The following NBEA variants were observed in gnomAD, a reference collection of about 807,000 sequenced individuals.
The protein encoded by NBEA is neurobeachin, also known as lysosomal-trafficking regulator 2.
In NBEA, 44 loss-of-function variants were observed where a neutral mutation model predicts 343.4. That is an observed-to-expected ratio of 0.13 (90% confidence interval 0.10 to 0.16). The LOEUF is 0.16. NBEA is among the 10% of genes least tolerant of loss of function. The pLI is 1.00. For missense variants in NBEA, 2,555 were observed against 3,631.3 expected, an observed-to-expected ratio of 0.70 and a Z score of 7.62; for synonymous variants, 1,175 against 1,238.7, an observed-to-expected ratio of 0.95 and a Z score of 1.08.
intron 10 of NBEA, among the ~76,000 whole-genome samples, chr13:35,093,874 A>C (rs1429418708): frequency 1.3e-5 from 2 of 151,866 alleles, no homozygotes; most frequent in South Asian, 2.1e-4. Context: ...TTTGAAAGTT[A>C]TTTCTTTTAC....
intron 36 of NBEA, among the ~76,000 whole-genome samples, chr13:35,311,249 G>T (rs1031003488): frequency 1.3e-5 from 2 of 151,790 alleles, no homozygotes; most frequent in Non-Finnish European, 2.9e-5. Flanking sequence ...GCTAATCATT[G>T]TCATTTAAGT....
chr13:35,570,143 C>A (rs1237800939), intron 45 of NBEA, among the ~76,000 whole-genome samples: 3 of 152,204 alleles, frequency 2.0e-5, no homozygotes, highest in Non-Finnish European at 4.4e-5. Context: ...AAGCGATTCT[C>A]CTGCCTCAGC....
At chr13:35,278,592 A>G (rs1328553819) in intron 34 of NBEA, among the ~76,000 whole-genome samples, 2 of 152,364 alleles carry the variant, frequency 1.3e-5, no homozygotes, top group East Asian at 3.9e-4. Flanking sequence ...TTTCAAGTAC[A>G]TAATTAAATA....
At chr13:35,323,734 A>T (rs1017995213) in intron 36 of NBEA, among the ~76,000 whole-genome samples, 2 of 151,986 alleles carry the variant, frequency 1.3e-5, no homozygotes, top group East Asian at 1.9e-4. Flanking sequence ...ATAAATAAAT[A>T]AAATAAAATA....
chr13:35,013,036 A>G (rs1040823004), intron 1 of NBEA, among the ~76,000 whole-genome samples: 3 of 152,234 alleles, frequency 2.0e-5, no homozygotes, highest in Admixed American at 6.5e-5. Flanking sequence ...TTAATAGACT[A>G]TAAGGGGTAG....
At chr13:35,404,227 A>G (rs1430299340) in intron 38 of NBEA, among the ~76,000 whole-genome samples, 1 of 152,108 alleles carries the variant, frequency 6.6e-6, no homozygotes, top group Admixed American at 6.5e-5. Flanking sequence ...TAGAAATACC[A>G]TTTGACCCAG....
intron 47 of NBEA, among the ~76,000 whole-genome samples, chr13:35,604,587 G>C (rs191357934): frequency 1.3e-5 from 2 of 152,028 alleles, no homozygotes; most frequent in African/African-American, 2.4e-5. Context: ...CCAGTGTCTT[G>C]CTATAAAACA....
chr13:35,495,585 C>CA (rs1416618754), intron 41 of NBEA, among the ~76,000 whole-genome samples: 1 of 151,766 alleles, frequency 6.6e-6, no homozygotes, highest in Non-Finnish European at 1.5e-5. Context: ...ACTGTAAAGT[C>CA]AAAAAATCAT....
At chr13:35,332,972 T>C (rs918033252) in intron 36 of NBEA, among the ~76,000 whole-genome samples, 1 of 152,006 alleles carries the variant, frequency 6.6e-6, no homozygotes, top group Non-Finnish European at 1.5e-5. Flanking sequence ...TAACATGTCA[T>C]TGGGATTTTA....
At chr13:35,507,516 T>C (rs2077117004) in intron 41 of NBEA, among the ~76,000 whole-genome samples, 1 of 152,084 alleles carries the variant, frequency 6.6e-6, no homozygotes, top group African/African-American at 2.4e-5. Flanking sequence ...TCCTATTTTC[T>C]TTTCCACTGC....
chr13:35,574,380 C>CAAAAAAAAAA (rs1313695369), intron 45 of NBEA, among the ~76,000 whole-genome samples: 4 of 124,700 alleles, frequency 3.2e-5, no homozygotes, highest in African/African-American at 1.3e-4. Context: ...TATACACTAT[C>CAAAAAAAAAA]AAAAAAAAAG....
intron 45 of NBEA, among the ~76,000 whole-genome samples, chr13:35,572,589 C>T (rs1222471403): frequency 6.6e-6 from 1 of 152,184 alleles, no homozygotes; most frequent in African/African-American, 2.4e-5. Flanking sequence ...AATGGATGCA[C>T]TGAAGTGTGA....
At chr13:35,533,330 A>G (rs1390952125) in intron 41 of NBEA, among the ~76,000 whole-genome samples, 1 of 152,072 alleles carries the variant, frequency 6.6e-6, no homozygotes, top group African/African-American at 2.4e-5. Flanking sequence ...CACCCTCTCA[A>G]TGTCTGTGGG....
chr13:35,518,840 G>A (rs1259971101), intron 41 of NBEA, among the ~76,000 whole-genome samples: 1 of 152,124 alleles, frequency 6.6e-6, no homozygotes, highest in Non-Finnish European at 1.5e-5. Flanking sequence ...GTGGGGGGAA[G>A]GTTGCAGGAT....
chr13:34,961,486 G>A (rs2059660178), intron 1 of NBEA, among the ~76,000 whole-genome samples: 3 of 151,768 alleles, frequency 2.0e-5, no homozygotes, highest in Middle Eastern at 3.4e-3. Context: ...CCTCCTGCAC[G>A]CACCCCCATA....
chr13:35,438,280 C>T (rs1309805022), intron 39 of NBEA, among the ~76,000 whole-genome samples: 2 of 152,108 alleles, frequency 1.3e-5, no homozygotes. Flanking sequence ...CAAGTTATGA[C>T]CTTGATGAAT....
At chr13:35,052,362 A>G (rs568422811) in intron 6 of NBEA, among the ~76,000 whole-genome samples, 1 of 152,146 alleles carries the variant, frequency 6.6e-6, no homozygotes, top group South Asian at 2.1e-4. Context: ...GATATAAACC[A>G]TTAGCATGTT....
At chr13:35,327,326 C>T (rs991746137) in intron 36 of NBEA, among the ~76,000 whole-genome samples, 2 of 152,150 alleles carry the variant, frequency 1.3e-5, no homozygotes, top group Non-Finnish European at 2.9e-5. Flanking sequence ...CACATGTACA[C>T]GTATGTTCAT....
intron 41 of NBEA, among the ~76,000 whole-genome samples, chr13:35,487,759 A>G (rs1000576114): frequency 6.6e-6 from 1 of 151,938 alleles, no homozygotes; most frequent in African/African-American, 2.4e-5. Context: ...TTTAACAAAT[A>G]TATGCTTTTT....
Sources: allele counts gnomAD v4.1 joint callset (sites outside exome capture counted in the v4.1 genomes callset), GRCh38; gene constraint gnomAD v4.1.1; transcripts MANE v1.5; gene names NCBI Gene and HGNC (gene_info 2026-07-23, HGNC 2026-07-21).